RPTOR: variants seen among roughly 807,000 people sequenced by gnomAD.
The protein encoded by RPTOR is regulatory associated protein of MTOR complex 1, also known as regulatory-associated protein of mTOR.
Under a neutral mutation model 169.9 loss-of-function variants are expected in RPTOR, and 21 were observed. The ratio of observed to expected loss-of-function variants is 0.12; its 90% CI spans 0.09 to 0.18. The LOEUF is 0.18. RPTOR is among the 10% of genes least tolerant of loss of function. The pLI, the probability that RPTOR is intolerant of heterozygous loss-of-function variation, is 1.00. For missense variants in RPTOR, 1,133 were observed against 1,855.9 expected, an observed-to-expected ratio of 0.61 and a Z score of 7.16; for synonymous variants, 732 against 753.2, an observed-to-expected ratio of 0.97 and a Z score of 0.46.
intron 22 of RPTOR, 21 bp from the exon 23 acceptor site, chr17:80,923,467 GTT>G (rs1413523416): frequency 6.2e-7 from 1 of 1,613,596 alleles, no homozygotes; most frequent in Admixed American, 1.7e-5. Flanking sequence ...AGGATGCAGT[GTT>G]TGTTTTTCTT....
chr17:80,649,277 C>T (rs372692797), intron 3 of RPTOR, among the ~76,000 whole-genome samples: 15 of 152,254 alleles, frequency 9.9e-5, no homozygotes, highest in African/African-American at 2.9e-4. Flanking sequence ...ATTCACGTTG[C>T]GACATTAGTT....
intron 3 of RPTOR, among the ~76,000 whole-genome samples, chr17:80,663,908 T>C (rs1322565826): frequency 6.6e-6 from 1 of 152,094 alleles, no homozygotes; most frequent in African/African-American, 2.4e-5. Flanking sequence ...CCGCTGGGTG[T>C]TTGTTCTGAG....
intron 20 of RPTOR, among the ~76,000 whole-genome samples, chr17:80,896,464 CGCACCGACACA>C (rs574617640): frequency 0.59 from 69,553 of 116,944 alleles, 23,023 homozygotes; most frequent in Non-Finnish European, 0.69. Context: ...CCCACACGGC[CGCACCGACACA>C]TCCCACGGCC....
At chr17:80,867,843 C>A (rs1402769783) in intron 13 of RPTOR, among the ~76,000 whole-genome samples, 1 of 152,086 alleles carries the variant, frequency 6.6e-6, no homozygotes, top group African/African-American at 2.4e-5. Context: ...AAACTACAAA[C>A]CATTGTGAAA....
Position 80,880,996 on chromosome 17 carries a change from A to G in RPTOR, c.1584+507A>G, listed in dbSNP as rs140006682. ...TACTTTATTGTATTAAATTGTTTGA[A>G]AATTAGTAATCCATGAATAGGGTGT... is the stretch of plus-strand genomic sequence containing the variant. On this transcript the variant is annotated intron_variant, in intron 14 of 33. Coordinates refer to ENST00000306801, the MANE Select transcript of RPTOR (RefSeq NM_020761.3). Among the ~76,000 whole-genome samples, 76 of 152,344 alleles carry G rather than the reference A, an allele frequency of 5.0e-4. No homozygotes were observed. In the East Asian group the frequency reaches 0.011, roughly 22 times the overall value.
intron 1 of RPTOR, among the ~76,000 whole-genome samples, chr17:80,601,039 G>A (rs1243865307): frequency 1.3e-5 from 2 of 152,196 alleles, no homozygotes; most frequent in African/African-American, 4.8e-5. Flanking sequence ...TGGCGCTCTT[G>A]GCTGGTGTGC....
intron 6 of RPTOR, among the ~76,000 whole-genome samples, chr17:80,783,949 C>G (rs2066966150): frequency 6.6e-6 from 1 of 152,166 alleles, no homozygotes; most frequent in African/African-American, 2.4e-5. Context: ...AAAGTCGCTT[C>G]TACTTGGTTT....
intron 3 of RPTOR, among the ~76,000 whole-genome samples, chr17:80,689,416 G>A (rs1485911281): frequency 2.6e-5 from 4 of 152,240 alleles, no homozygotes; most frequent in Non-Finnish European, 5.9e-5. Context: ...GCCATCGCTG[G>A]AGCCCTCTGC....
intron 6 of RPTOR, chr17:80,773,886 C>A: frequency 2.0e-6 from 2 of 985,354 alleles, no homozygotes; most frequent in Non-Finnish European, 2.4e-6. Context: ...AGACGTCGAC[C>A]GCTTCTGATT....
chr17:80,691,881 T>C (rs1379303409), intron 3 of RPTOR, among the ~76,000 whole-genome samples: 1 of 152,198 alleles, frequency 6.6e-6, no homozygotes, highest in African/African-American at 2.4e-5. Context: ...CTTACTCTCA[T>C]GGGTCCTACA....
chr17:80,790,203 G>A (rs550902471), intron 6 of RPTOR, among the ~76,000 whole-genome samples: 3 of 152,354 alleles, frequency 2.0e-5, no homozygotes, highest in Non-Finnish European at 2.9e-5. Flanking sequence ...ACTTGATGCC[G>A]TGGGAAAGGG....
chr17:80,835,681 G>A (rs543372046), intron 9 of RPTOR, among the ~76,000 whole-genome samples: 2 of 152,262 alleles, frequency 1.3e-5, no homozygotes, highest in Admixed American at 6.5e-5. Context: ...TGTAAAATTC[G>A]CTTCAGGCTG....
intron 3 of RPTOR, among the ~76,000 whole-genome samples, chr17:80,645,824 A>T (rs2065591018): frequency 6.6e-6 from 1 of 152,022 alleles, no homozygotes; most frequent in Non-Finnish European, 1.5e-5. Context: ...AGGATGGAGG[A>T]TTCCCTGCCC....
intron 20 of RPTOR, among the ~76,000 whole-genome samples, chr17:80,894,519 G>A (rs1396129152): frequency 6.6e-6 from 1 of 152,242 alleles, no homozygotes; most frequent in Non-Finnish European, 1.5e-5. Flanking sequence ...AATGGTGTGT[G>A]CCTGGGTCCT....
chr17:80,753,347 C>T (rs556359086), intron 5 of RPTOR, among the ~76,000 whole-genome samples: 9 of 150,122 alleles, frequency 6.0e-5, no homozygotes, highest in Non-Finnish European at 8.9e-5. Context: ...TAAGATTGAA[C>T]GTTTAGGCCG....
At chr17:80,893,381 TGTGTGCATGCCAGG>T (rs2068354812) in intron 19 of RPTOR, among the ~76,000 whole-genome samples, 1 of 133,378 alleles carries the variant, frequency 7.5e-6, no homozygotes. Context: ...TGCACAAGGG[TGTGTGCATGCCAGG>T]GTGTGTGTGT....
intron 3 of RPTOR, among the ~76,000 whole-genome samples, chr17:80,693,755 T>C (rs2066012795): frequency 6.6e-6 from 1 of 152,222 alleles, no homozygotes; most frequent in Admixed American, 6.5e-5. Context: ...GTCCAGATGG[T>C]GCTGTGGGAA....
intron 25 of RPTOR, among the ~76,000 whole-genome samples, chr17:80,942,730 G>T (rs552263375): frequency 1.3e-5 from 2 of 152,254 alleles, no homozygotes; most frequent in Admixed American, 6.5e-5. Flanking sequence ...AGAAGTCGGC[G>T]TCGCCCAGGA....
intron 6 of RPTOR, among the ~76,000 whole-genome samples, chr17:80,777,739 G>A (rs774933193): frequency 2.6e-4 from 40 of 152,186 alleles, no homozygotes; most frequent in Admixed American, 2.6e-3. Context: ...TAGCTGTTAC[G>A]TCTAGGCCTT....
Sources: allele counts gnomAD v4.1 joint callset (sites outside exome capture counted in the v4.1 genomes callset), GRCh38; gene constraint gnomAD v4.1.1; transcripts MANE v1.5; gene names NCBI Gene and HGNC (gene_info 2026-07-23, HGNC 2026-07-21).